Variants in IMPG2 observed in about 807,000 individuals in gnomAD.
The protein encoded by IMPG2 is IPM 200.
A neutral mutation model predicts 129.2 loss-of-function variants in IMPG2; 91 were observed. The ratio of observed to expected loss-of-function variants is 0.70; its 90% CI spans 0.59 to 0.84. The LOEUF is 0.84. IMPG2 is among the 40% of genes least tolerant of loss of function. The probability of loss-of-function intolerance (pLI) is 0.00; values close to 1 mark genes in which losing one functional copy is unlikely to be tolerated. For missense variants in IMPG2, 1,430 were observed against 1,461.7 expected (o/e 0.98, Z 0.35); for synonymous variants, 510 against 517.7 (o/e 0.99, Z 0.20).
chr3:101,246,383 A>G (rs753826392), intron 11 of IMPG2, among the ~76,000 whole-genome samples: 1 of 151,816 alleles, frequency 6.6e-6, no homozygotes, highest in Non-Finnish European at 1.5e-5. Flanking sequence ...AATTTGTGAG[A>G]GAAAATTTTT....
intron 3 of IMPG2, among the ~76,000 whole-genome samples, chr3:101,292,681 C>T (rs1707032459): frequency 1.3e-5 from 2 of 152,138 alleles, no homozygotes; most frequent in South Asian, 4.1e-4. Context: ...TTTTTTCTTT[C>T]ACGAAAGAGT....
chr3:101,273,700 G>C lies in IMPG2; in HGVS notation c.709C>G (p.Pro237Ala). The C allele has an allele frequency of 1.2e-6, 2 of 1,614,064 alleles. No individual in the cohort carries two copies. The highest frequency in any genetic ancestry group is 1.7e-6 in the Non-Finnish European group (2 of 1,179,982). Residue 237 changes from proline to alanine, a missense_variant, in exon 7 of 19, where the codon CCA (proline) becomes GCA (alanine). Coordinates refer to ENST00000193391, the MANE Select transcript of IMPG2 (RefSeq NM_016247.4). ...IENVIEEATK[P>A]AGEQIAEFSI... The stretch of plus-strand genomic sequence containing the variant: ...AATTCTGCAATCTGTTCACCTGCTG[G>C]TTTTGTGGCTTCTTCTATCACATTC...
intron 2 of IMPG2, among the ~76,000 whole-genome samples, chr3:101,305,759 C>T (rs1707183272): frequency 6.6e-6 from 1 of 151,872 alleles, no homozygotes; most frequent in African/African-American, 2.4e-5. Flanking sequence ...ATAATAAAAA[C>T]TAATCAATTT....
intron 9 of IMPG2, among the ~76,000 whole-genome samples, chr3:101,259,671 CAT>C (rs1706649271): frequency 6.6e-6 from 1 of 151,294 alleles, no homozygotes; most frequent in Non-Finnish European, 1.5e-5. Context: ...AGGATGATAT[CAT>C]AGAGTCTAGG....
At chr3:101,315,490 G>A (rs1447257444) in intron 2 of IMPG2, among the ~76,000 whole-genome samples, 3 of 151,998 alleles carry the variant, frequency 2.0e-5, no homozygotes, top group Non-Finnish European at 2.9e-5. Context: ...AACTTATTTC[G>A]TGCACAAAAT....
chr3:101,242,406 G>A (rs1186919530), intron 14 of IMPG2, among the ~76,000 whole-genome samples: 6 of 152,182 alleles, frequency 3.9e-5, no homozygotes, highest in Non-Finnish European at 5.9e-5. Context: ...AGCAAGAATA[G>A]ATCCAGTAGG....
chr3:101,310,038 G>T (rs1045481329), intron 2 of IMPG2, among the ~76,000 whole-genome samples: 4 of 152,162 alleles, frequency 2.6e-5, no homozygotes, highest in African/African-American at 9.6e-5. Context: ...CTGGGAAGGA[G>T]TATAAGAGAA....
chr3:101,301,694 A>G (rs1203067139), intron 3 of IMPG2, among the ~76,000 whole-genome samples: 1 of 152,164 alleles, frequency 6.6e-6, no homozygotes, highest in African/African-American at 2.4e-5. Context: ...TCGACCCATC[A>G]GTGTCCTACT....
chr3:101,256,279 G>A (rs1315341139), intron 10 of IMPG2, among the ~76,000 whole-genome samples: 1 of 151,578 alleles, frequency 6.6e-6, no homozygotes, highest in Non-Finnish European at 1.5e-5. Flanking sequence ...CTTTTTAAAA[G>A]TTTTTTTCTC....
At chr3:101,283,458 T>C (rs903158061) in intron 4 of IMPG2, among the ~76,000 whole-genome samples, 62 of 152,312 alleles carry the variant, frequency 4.1e-4, no homozygotes, top group African/African-American at 1.2e-3. Context: ...ATATATCATG[T>C]TATAGTAGAA....
At chr3:101,238,917 A>C (rs570627415) in intron 14 of IMPG2, among the ~76,000 whole-genome samples, 1 of 152,374 alleles carries the variant, frequency 6.6e-6, no homozygotes, top group African/African-American at 2.4e-5. Flanking sequence ...TAAAAGACAC[A>C]GACTGGCAAA....
intron 7 of IMPG2, 43 bp downstream of exon 7, chr3:101,273,538 T>C: frequency 1.3e-6 from 2 of 1,583,384 alleles, no homozygotes; most frequent in Non-Finnish European, 1.7e-6. Context: ...GAAACTAACA[T>C]AGCAGGCATA....
chr3:101,245,710 A>T, intron 12 of IMPG2, 92 bp downstream of exon 12: 1 of 1,162,086 alleles, frequency 8.6e-7, no homozygotes, highest in Non-Finnish European at 1.3e-6. Flanking sequence ...GAATGCTACC[A>T]TGTTTTTTTC....
At chr3:101,253,326 C>T (rs79776721) in intron 11 of IMPG2, among the ~76,000 whole-genome samples, 3 of 152,090 alleles carry the variant, frequency 2.0e-5, no homozygotes, top group Admixed American at 6.6e-5. Context: ...AAAAAATCTA[C>T]GCTCTATACC....
chr3:101,299,098 T>C (rs1707113266), intron 3 of IMPG2, among the ~76,000 whole-genome samples: 1 of 152,210 alleles, frequency 6.6e-6, no homozygotes, highest in Non-Finnish European at 1.5e-5. Context: ...CATTTGTTCC[T>C]TTTCATTCTT....
At chr3:101,263,066 A>G (rs1179683901) in intron 9 of IMPG2, among the ~76,000 whole-genome samples, 1 of 152,072 alleles carries the variant, frequency 6.6e-6, no homozygotes, top group African/African-American at 2.4e-5. Context: ...ATTATTAGAT[A>G]TAAATGGAGA....
Position 101,253,460 on chromosome 3 carries a change from C to A in IMPG2, c.1239+236G>T, listed in dbSNP as rs201162259. Reference sequence around the variant, plus strand: ...GTAGGAACCATAAATAAGGTTTCTACCCTGTGTGGAGTTTGGCAATGCAGA... The same window carrying A: ...GTAGGAACCATAAATAAGGTTTCTAACCTGTGTGGAGTTTGGCAATGCAGA... On this transcript the variant is annotated intron_variant, in intron 11 of 18. Coordinates refer to ENST00000193391, the MANE Select transcript of IMPG2 (RefSeq NM_016247.4). Among the ~76,000 whole-genome samples, 33 of 152,188 alleles carry A rather than the reference C, an allele frequency of 2.2e-4. No individual in the cohort carries two copies. In the East Asian group the frequency reaches 5.8e-3, roughly 27 times the overall value.
At chr3:101,240,491 T>C (rs1442694110) in intron 14 of IMPG2, among the ~76,000 whole-genome samples, 2 of 152,220 alleles carry the variant, frequency 1.3e-5, no homozygotes, top group African/African-American at 4.8e-5. Flanking sequence ...TGCATTTGTA[T>C]AGTTAGTCAA....
chr3:101,286,470 G>A (rs1576763859), intron 4 of IMPG2, among the ~76,000 whole-genome samples: 1 of 152,108 alleles, frequency 6.6e-6, no homozygotes, highest in Admixed American at 6.6e-5. Flanking sequence ...CTACCATGAA[G>A]TCTACCAGCC....
Sources: allele counts gnomAD v4.1 joint callset (sites outside exome capture counted in the v4.1 genomes callset), GRCh38; gene constraint gnomAD v4.1.1; transcripts MANE v1.5; gene names NCBI Gene and HGNC (gene_info 2026-07-23, HGNC 2026-07-21).